Variants in EFHD1 observed in about 807,000 individuals in gnomAD.
The protein encoded by EFHD1 is EF-hand domain-containing protein D1.
A neutral mutation model predicts 17.2 loss-of-function variants in EFHD1; 10 were observed. The observed-to-expected ratio is 0.58, with a 90% CI of 0.36 to 0.99. EFHD1 has a LOEUF of 0.99. Among genes scored for constraint, EFHD1 ranks in the 50% least tolerant of loss-of-function variants. EFHD1 has a pLI of 0.01. For missense variants in EFHD1, 310 were observed against 327.5 expected, an observed-to-expected ratio of 0.95 and a Z score of 0.41; for synonymous variants, 153 against 142.0, an observed-to-expected ratio of 1.08 and a Z score of -0.55.
intron 1 of EFHD1, among the ~76,000 whole-genome samples, chr2:232,613,192 C>T (rs1362532766): frequency 1.3e-5 from 2 of 151,850 alleles, no homozygotes; most frequent in Non-Finnish European, 2.9e-5. Context: ...GGGAGGCCGA[C>T]GTGGGTGGAT....
At chr2:232,676,671 G>T (rs1036719242) in intron 3 of EFHD1, among the ~76,000 whole-genome samples, 1 of 152,158 alleles carries the variant, frequency 6.6e-6, no homozygotes, top group Non-Finnish European at 1.5e-5. Flanking sequence ...ATAGACCACA[G>T]GAGCTAACTT....
intron 1 of EFHD1, among the ~76,000 whole-genome samples, chr2:232,651,474 T>A (rs1424627595): frequency 6.6e-6 from 1 of 152,204 alleles, no homozygotes; most frequent in Non-Finnish European, 1.5e-5. Context: ...CTGCAGTTGC[T>A]TGGAGAACCT....
At chr2:232,634,860 C>T (rs1462335007) in intron 1 of EFHD1, among the ~76,000 whole-genome samples, 1 of 152,222 alleles carries the variant, frequency 6.6e-6, no homozygotes, top group Non-Finnish European at 1.5e-5. Context: ...ATTAATATTT[C>T]CAGAATTGAG....
rs558054262 is a variant in EFHD1, at chr2:232,674,583, C to A, written c.585+2140C>A. ...GATGAAAAGAATGACAATAAAAATT[C>A]TTACAGCTCGTTATGTTTATAGGTC... is the stretch of plus-strand genomic sequence containing the variant. On this transcript the variant is annotated intron_variant, in intron 3 of 3. Coordinates refer to ENST00000264059, the MANE Select transcript of EFHD1 (RefSeq NM_025202.4). 4.6e-5 allele frequency among the ~76,000 whole-genome samples: 7 copies of A among 152,260 alleles called. No homozygotes were observed. In the South Asian group the frequency reaches 1.5e-3, roughly 32 times the overall value.
chr2:232,649,255 C>A (rs1233256118), intron 1 of EFHD1, among the ~76,000 whole-genome samples: 1 of 152,144 alleles, frequency 6.6e-6, no homozygotes, highest in Non-Finnish European at 1.5e-5. Context: ...GGCCCTTTGG[C>A]GGATCTGGGG....
At chr2:232,665,034 C>T (rs1390428575) in intron 2 of EFHD1, among the ~76,000 whole-genome samples, 2 of 152,156 alleles carry the variant, frequency 1.3e-5, no homozygotes, top group Admixed American at 1.3e-4. Context: ...ACCTCAGCCT[C>T]CTGAGTAGCT....
chr2:232,678,714 C>T (rs1574738470), intron 3 of EFHD1, among the ~76,000 whole-genome samples: 4 of 152,122 alleles, frequency 2.6e-5, no homozygotes, highest in African/African-American at 4.8e-5. Flanking sequence ...ACCTGGGAGG[C>T]GGAGGTTGCA....
At chr2:232,676,021 C>T (rs925921415) in intron 3 of EFHD1, among the ~76,000 whole-genome samples, 1 of 151,962 alleles carries the variant, frequency 6.6e-6, no homozygotes, top group African/African-American at 2.4e-5. Context: ...ACTAAAAATA[C>T]AAAAATTAGC....
chr2:232,663,646 G>A (rs10933402), intron 2 of EFHD1, among the ~76,000 whole-genome samples: 49,067 of 152,044 alleles, frequency 0.32, 8,496 homozygotes, highest in East Asian at 0.51. Flanking sequence ...GATTACAGGC[G>A]TGAGCCACCA....
chr2:232,658,160 C>T (rs1694796586), intron 1 of EFHD1, among the ~76,000 whole-genome samples: 1 of 152,052 alleles, frequency 6.6e-6, no homozygotes, highest in Non-Finnish European at 1.5e-5. Context: ...ACCTCGGCCT[C>T]ACAAAGTGCT....
At chr2:232,679,817 A>G (rs1183637612) in intron 3 of EFHD1, among the ~76,000 whole-genome samples, 1 of 152,142 alleles carries the variant, frequency 6.6e-6, no homozygotes, top group Non-Finnish European at 1.5e-5. Flanking sequence ...AAAAGAGGAA[A>G]TAAAAGAAGG....
At chr2:232,648,595 A>C (rs1694576685) in intron 1 of EFHD1, among the ~76,000 whole-genome samples, 1 of 152,074 alleles carries the variant, frequency 6.6e-6, no homozygotes, top group African/African-American at 2.4e-5. Context: ...CCCATAGGGT[A>C]ACCCCAGGAG....
intron 1 of EFHD1, among the ~76,000 whole-genome samples, chr2:232,613,304 A>G (rs563353262): frequency 1.3e-5 from 2 of 152,040 alleles, no homozygotes; most frequent in South Asian, 4.2e-4. Flanking sequence ...TGCACCTGAA[A>G]TCCCAGCTAC....
Position 232,615,967 on chromosome 2 carries a change from G to A in EFHD1, c.14+9794G>A, listed in dbSNP as rs138454963. ...CTCCCAAAGTGCTGGGATTATAGGC[G>A]TGAGCCACGGAGCCCAGCCCCTAAA... On this transcript the variant is annotated intron_variant, in intron 1 of 3. Transcript: ENST00000409613. 4.2e-3 allele frequency among the ~76,000 whole-genome samples: 647 copies of A among 152,248 alleles called. 3 individuals carry two copies. The highest frequency in any genetic ancestry group is 0.01 in the Middle Eastern group (3 of 292).
In EFHD1 at chr2:232,681,617, A is replaced by G. The variant is rs1695283271; in HGVS notation, c.618A>G (p.Glu206=). ...VQALSSASKF[E]AELKAEQDER... ...CCTTGTCATCGGCCAGTAAGTTTGA[A>G]GCAGAGTTGAAAGCTGAGCAAGATG... The change falls in exon 4 of 4, where the codon GAA becomes GAG. Residue 206 remains glutamate, a synonymous_variant. Coordinates refer to ENST00000264059, the MANE Select transcript of EFHD1 (RefSeq NM_025202.4). The G allele has an allele frequency of 6.2e-7, 1 of 1,614,102 alleles. No homozygotes were observed. Among genetic ancestry groups the G allele is most frequent in the South Asian group, 1.1e-5 (1 of 91,086 alleles).
intron 2 of EFHD1, among the ~76,000 whole-genome samples, chr2:232,670,924 T>TA (rs200821734): frequency 1.3e-5 from 2 of 152,328 alleles, no homozygotes; most frequent in East Asian, 3.9e-4. Context: ...TACAAGTTGT[T>TA]AAAAAACCAT....
At chr2:232,635,897 T>C (rs1403407230) in intron 1 of EFHD1, among the ~76,000 whole-genome samples, 1 of 151,878 alleles carries the variant, frequency 6.6e-6, no homozygotes, top group Non-Finnish European at 1.5e-5. Context: ...AACCAGTACT[T>C]GGTATTTCTT....
chr2:232,672,053 C>G (rs1451599352), intron 2 of EFHD1, among the ~76,000 whole-genome samples: 1 of 147,832 alleles, frequency 6.8e-6, no homozygotes, highest in South Asian at 2.1e-4. Flanking sequence ...GAGACTCTGC[C>G]TCAAAAAAAA....
At chr2:232,627,765 T>C (rs1263927890) in intron 1 of EFHD1, among the ~76,000 whole-genome samples, 1 of 152,164 alleles carries the variant, frequency 6.6e-6, no homozygotes, top group African/African-American at 2.4e-5. Context: ...TCTCTTCTTA[T>C]CAATGTTATT....
Sources: gnomAD v4.1 joint callset for allele counts (sites outside exome capture counted in the v4.1 genomes callset) on GRCh38, gnomAD v4.1.1 for gene constraint, MANE v1.5 for transcripts, NCBI Gene and HGNC (gene_info 2026-07-23, HGNC 2026-07-21) for gene names.